SH3GL2: variants seen among roughly 807,000 people sequenced by gnomAD.
SH3GL2 encodes SH3 domain containing GRB2 like 2, endophilin A1.
SH3GL2 carries 24 observed loss-of-function variants against 46.0 expected under a neutral mutation model. The observed-to-expected ratio is 0.52, with a 90% CI of 0.38 to 0.73. The LOEUF (loss-of-function observed/expected upper bound fraction) is 0.73. Ranked by LOEUF, SH3GL2 falls within the 30% of genes least tolerant of loss-of-function variation. The pLI, the probability that SH3GL2 is intolerant of heterozygous loss-of-function variation, is 0.00. For missense variants in SH3GL2, 413 were observed against 424.2 expected (o/e 0.97, Z 0.23); for synonymous variants, 196 against 147.1 (o/e 1.33, Z -2.40).
At chr9:17,690,881 T>C (rs1056565819) in intron 1 of SH3GL2, among the ~76,000 whole-genome samples, 1 of 152,148 alleles carries the variant, frequency 6.6e-6, no homozygotes, top group African/African-American at 2.4e-5. Context: ...AGTCCTCTTG[T>C]CTACTTAGAA....
intron 1 of SH3GL2, among the ~76,000 whole-genome samples, chr9:17,669,198 C>T (rs1026908816): frequency 1.3e-5 from 2 of 152,058 alleles, no homozygotes; most frequent in African/African-American, 4.8e-5. Context: ...CCAGTGGTAA[C>T]ATCTTGAAAA....
chr9:17,795,637 C>T lies in SH3GL2; in HGVS notation c.953C>T (p.Thr318Ile), dbSNP rs1186585152. 2.5e-6 allele frequency: 4 copies of T among 1,613,892 alleles called. No individual in the cohort carries two copies. Among genetic ancestry groups the T allele is most frequent in the Non-Finnish European group, 3.4e-6 (4 of 1,179,768 alleles). The change falls in exon 9 of 9, where the codon ACA becomes ATA. Residue 318 changes from threonine to isoleucine, a missense_variant. By Grantham distance (89) the Thr-to-Ile change is moderately conservative (BLOSUM62 -1). Around this residue, in one of 3 missense-constraint regions of SH3GL2, gnomAD observed 248 missense variants for 215.0 expected, o/e 1.15. Transcript: ENST00000380607. ...GGATTTAAAGAGGGCGATATCATCA[C>T]ACTCACTAACCAAATTGATGAGAAC... ...ELGFKEGDII[T>I]LTNQIDENWY...
At chr9:17,747,777 C>T (rs373403525) in intron 2 of SH3GL2, among the ~76,000 whole-genome samples, 2 of 152,046 alleles carry the variant, frequency 1.3e-5, no homozygotes, top group Non-Finnish European at 2.9e-5. Context: ...TGGGTTCAAG[C>T]GATCTCCTGC....
intron 1 of SH3GL2, among the ~76,000 whole-genome samples, chr9:17,648,278 G>A (rs1003350051): frequency 6.6e-6 from 1 of 152,128 alleles, no homozygotes; most frequent in African/African-American, 2.4e-5. Context: ...GTGCTTGAGG[G>A]AAAAGAACAT....
intron 3 of SH3GL2, among the ~76,000 whole-genome samples, chr9:17,761,898 G>A (rs570286112): frequency 6.6e-6 from 1 of 152,192 alleles, no homozygotes; most frequent in Non-Finnish European, 1.5e-5. Context: ...AAGTAGGGAG[G>A]TGAATCGTTT....
intron 1 of SH3GL2, among the ~76,000 whole-genome samples, chr9:17,580,175 T>C (rs1818251082): frequency 6.6e-6 from 1 of 152,232 alleles, no homozygotes; most frequent in South Asian, 2.1e-4. Flanking sequence ...ATAATGTGTG[T>C]GATTACTACT....
chr9:17,623,420 G>A (rs1819204649), intron 1 of SH3GL2, among the ~76,000 whole-genome samples: 1 of 152,030 alleles, frequency 6.6e-6, no homozygotes. Flanking sequence ...TGTGTAGACT[G>A]AGAACAAAAT....
At chr9:17,605,358 A>G (rs1334792037) in intron 1 of SH3GL2, among the ~76,000 whole-genome samples, 2 of 152,068 alleles carry the variant, frequency 1.3e-5, no homozygotes, top group African/African-American at 4.8e-5. Context: ...GTTTTTCACT[A>G]GCTTAGCCTT....
intron 1 of SH3GL2, among the ~76,000 whole-genome samples, chr9:17,604,326 T>G (rs1385561007): frequency 6.6e-6 from 1 of 152,254 alleles, no homozygotes; most frequent in Non-Finnish European, 1.5e-5. Context: ...AACCTGTTTC[T>G]GAATGTATAA....
chr9:17,611,324 TTC>T (rs200733094), intron 1 of SH3GL2, among the ~76,000 whole-genome samples: 59 of 152,324 alleles, frequency 3.9e-4, no homozygotes, highest in African/African-American at 1.4e-3. Flanking sequence ...ACATTTTGGT[TTC>T]TTTTTTTTTC....
chr9:17,786,984 C>G (rs1481011158), intron 4 of SH3GL2, among the ~76,000 whole-genome samples: 2 of 152,182 alleles, frequency 1.3e-5, no homozygotes, highest in Admixed American at 1.3e-4. Flanking sequence ...CAAAACTCAG[C>G]TACCACACCC....
intron 1 of SH3GL2, among the ~76,000 whole-genome samples, chr9:17,724,122 G>A (rs954850377): frequency 4.6e-5 from 7 of 151,708 alleles, no homozygotes; most frequent in Non-Finnish European, 1.0e-4. Flanking sequence ...TTATGTGTTG[G>A]TTTGCTAACT....
intron 2 of SH3GL2, chr9:17,755,935 T>G (rs1822976046): frequency 5.6e-6 from 1 of 179,516 alleles, no homozygotes; most frequent in Non-Finnish European, 1.1e-5. Flanking sequence ...GCTGGTGAAA[T>G]AATCAGTATC....
chr9:17,781,688 G>A (rs963816779), intron 3 of SH3GL2, among the ~76,000 whole-genome samples: 1 of 152,064 alleles, frequency 6.6e-6, no homozygotes, highest in Non-Finnish European at 1.5e-5. Context: ...GTATTTGAGA[G>A]TTCTGGTTGT....
At chr9:17,674,702 T>C (rs1221837098) in intron 1 of SH3GL2, among the ~76,000 whole-genome samples, 1 of 152,138 alleles carries the variant, frequency 6.6e-6, no homozygotes, top group East Asian at 1.9e-4. Flanking sequence ...CAGCTGAAGG[T>C]AGAAGGTCTA....
intron 1 of SH3GL2, among the ~76,000 whole-genome samples, chr9:17,690,466 G>C (rs1489252482): frequency 6.6e-6 from 1 of 151,942 alleles, no homozygotes; most frequent in African/African-American, 2.4e-5. Context: ...CTTTAGACTT[G>C]ACAACATCAC....
intron 1 of SH3GL2, among the ~76,000 whole-genome samples, chr9:17,673,969 T>C (rs1331608527): frequency 6.6e-6 from 1 of 152,182 alleles, no homozygotes; most frequent in African/African-American, 2.4e-5. Context: ...TGAATTCATC[T>C]TTAAGCTCCT....
chr9:17,579,341 G>T (rs921880294), intron 1 of SH3GL2, 54 bp downstream of exon 1: 2 of 1,292,986 alleles, frequency 1.5e-6, no homozygotes, highest in Non-Finnish European at 2.1e-6. Context: ...GCTGCGAGGG[G>T]CGCGCTCGGC....
At chr9:17,675,029 ATTGT>A (rs1461238050) in intron 1 of SH3GL2, among the ~76,000 whole-genome samples, 3 of 152,140 alleles carry the variant, frequency 2.0e-5, no homozygotes, top group African/African-American at 4.8e-5. Flanking sequence ...GAGGAATGTG[ATTGT>A]TTGTTGCTGT....
Sources: allele counts gnomAD v4.1 joint callset (sites outside exome capture counted in the v4.1 genomes callset), GRCh38; gene constraint gnomAD v4.1.1; regional missense constraint gnomAD v4.1.1; transcripts MANE v1.5; gene names NCBI Gene and HGNC (gene_info 2026-07-23, HGNC 2026-07-21).